The following GPC5 variants were observed in gnomAD, a reference collection of about 807,000 sequenced individuals.
The protein encoded by GPC5 is glypican-5.
In GPC5, 47 loss-of-function variants were observed where a neutral mutation model predicts 53.9. The ratio of observed to expected loss-of-function variants is 0.87; its 90% confidence interval spans 0.69 to 1.11. GPC5 has a LOEUF of 1.11. Ranked by LOEUF, GPC5 falls within the 50% of genes most tolerant of loss-of-function variation. The pLI, the probability that GPC5 is intolerant of heterozygous loss-of-function variation, is 0.00. For missense variants in GPC5, 748 were observed against 713.1 expected, an observed-to-expected ratio of 1.05 and a Z score of -0.56; for synonymous variants, 286 against 263.3, an observed-to-expected ratio of 1.09 and a Z score of -0.84.
chr13:91,875,914 T>C (rs1437481546), intron 5 of GPC5, among the ~76,000 whole-genome samples: 1 of 152,208 alleles, frequency 6.6e-6, no homozygotes, highest in Admixed American at 6.5e-5. Context: ...AAGTCTCAAC[T>C]TGAATTGTAT....
chr13:91,692,787 G>T (rs190835313), intron 2 of GPC5, among the ~76,000 whole-genome samples: 1 of 152,256 alleles, frequency 6.6e-6, no homozygotes, highest in East Asian at 1.9e-4. Context: ...GGGATTACAG[G>T]CATCTGCCAC....
At chr13:92,088,772 G>A (rs575437498) in intron 6 of GPC5, among the ~76,000 whole-genome samples, 167 of 152,156 alleles carry the variant, frequency 1.1e-3, no homozygotes, top group Non-Finnish European at 1.7e-3. Context: ...TTTTTTCTCC[G>A]TTTTATCTTT....
chr13:92,793,767 T>C (rs566149434), intron 7 of GPC5, among the ~76,000 whole-genome samples: 1 of 152,184 alleles, frequency 6.6e-6, no homozygotes, highest in South Asian at 2.1e-4. Context: ...TCTATGTAAA[T>C]AAACTAGAAA....
chr13:92,243,970 C>T (rs537995462), intron 7 of GPC5, among the ~76,000 whole-genome samples: 93 of 152,134 alleles, frequency 6.1e-4, no homozygotes, highest in Middle Eastern at 3.4e-3. Flanking sequence ...GTAACAGAGT[C>T]AGAAAGTGAA....
chr13:92,489,952 A>G (rs1017329629), intron 7 of GPC5, among the ~76,000 whole-genome samples: 1 of 151,640 alleles, frequency 6.6e-6, no homozygotes, highest in Non-Finnish European at 1.5e-5. Flanking sequence ...GATTCTGTGG[A>G]ACTTCATTAT....
At chr13:92,512,201 A>T (rs753259469) in intron 7 of GPC5, among the ~76,000 whole-genome samples, 8 of 151,636 alleles carry the variant, frequency 5.3e-5, no homozygotes, top group Non-Finnish European at 2.9e-5. Context: ...TTAATGATTG[A>T]TCCTAGTAAT....
chr13:92,076,852 C>G (rs7994299), intron 6 of GPC5, among the ~76,000 whole-genome samples: 78,801 of 151,922 alleles, frequency 0.52, 20,813 homozygotes, highest in East Asian at 0.79. Flanking sequence ...TCCAGGCCCT[C>G]CCAATCCTGA....
chr13:92,302,067 T>C (rs778641556), intron 7 of GPC5, among the ~76,000 whole-genome samples: 4 of 152,212 alleles, frequency 2.6e-5, no homozygotes, highest in Non-Finnish European at 5.9e-5. Context: ...TGAATATATA[T>C]AATGCAGTAG....
chr13:92,517,934 G>T (rs1244023939), intron 7 of GPC5, among the ~76,000 whole-genome samples: 4 of 152,184 alleles, frequency 2.6e-5, no homozygotes, highest in Admixed American at 6.5e-5. Flanking sequence ...CTTGAAAAAA[G>T]ATTAGATGAA....
chr13:92,230,039 A>C (rs144273934), intron 7 of GPC5, among the ~76,000 whole-genome samples: 232 of 152,244 alleles, frequency 1.5e-3, no homozygotes, highest in African/African-American at 5.2e-3. Context: ...TTCTAAACTA[A>C]ACTGCGTTTT....
chr13:92,198,045 A>T (rs1449479329), intron 7 of GPC5, among the ~76,000 whole-genome samples: 1 of 152,158 alleles, frequency 6.6e-6, no homozygotes, highest in Non-Finnish European at 1.5e-5. Flanking sequence ...TCTGGACCTG[A>T]GGCTTCTTAT....
intron 7 of GPC5, among the ~76,000 whole-genome samples, chr13:92,356,259 A>G (rs1022681133): frequency 6.6e-6 from 1 of 152,176 alleles, no homozygotes; most frequent in African/African-American, 2.4e-5. Context: ...CGGGAGAGGA[A>G]TGAACCAGAG....
intron 7 of GPC5, among the ~76,000 whole-genome samples, chr13:92,235,235 A>G (rs2042561561): frequency 6.6e-6 from 1 of 152,102 alleles, no homozygotes; most frequent in African/African-American, 2.4e-5. Context: ...TTTATTACAT[A>G]ATTAAAATAA....
intron 7 of GPC5, among the ~76,000 whole-genome samples, chr13:92,225,948 A>T (rs2042482858): frequency 6.6e-6 from 1 of 152,146 alleles, no homozygotes; most frequent in South Asian, 2.1e-4. Flanking sequence ...CTGTGTCCCC[A>T]CCTAAATCTT....
At chr13:91,992,617 C>T (rs996998332) in intron 6 of GPC5, among the ~76,000 whole-genome samples, 30 of 152,060 alleles carry the variant, frequency 2.0e-4, no homozygotes, top group Non-Finnish European at 4.3e-4. Context: ...GCCACCATGC[C>T]TGGCTAATTT....
intron 7 of GPC5, among the ~76,000 whole-genome samples, chr13:92,693,713 G>A (rs1887478424): frequency 6.6e-6 from 1 of 152,128 alleles, no homozygotes; most frequent in Non-Finnish European, 1.5e-5. Context: ...AGGGAAGAGA[G>A]CATAAAAGTT....
At chr13:91,543,177 G>A (rs1203246018) in intron 2 of GPC5, among the ~76,000 whole-genome samples, 3 of 151,676 alleles carry the variant, frequency 2.0e-5, no homozygotes, top group African/African-American at 7.3e-5. Flanking sequence ...ATTTTTAATA[G>A]AGACCTGGAT....
At chr13:92,015,988 G>A (rs1448133279) in intron 6 of GPC5, among the ~76,000 whole-genome samples, 2 of 152,210 alleles carry the variant, frequency 1.3e-5, no homozygotes, top group African/African-American at 2.4e-5. Context: ...TAATTCTGCA[G>A]TGCAGGGAAA....
intron 5 of GPC5, among the ~76,000 whole-genome samples, chr13:91,874,755 A>T (rs759840085): frequency 2.2e-4 from 33 of 152,182 alleles, no homozygotes; most frequent in Admixed American, 2.0e-4. Flanking sequence ...ATAGAAACTT[A>T]GGTTGATTCT....
Sources: gnomAD v4.1 joint callset for allele counts (sites outside exome capture counted in the v4.1 genomes callset) on GRCh38, gnomAD v4.1.1 for gene constraint, MANE v1.5 for transcripts, NCBI Gene and HGNC (gene_info 2026-07-23, HGNC 2026-07-21) for gene names.